ADCY7: variants seen among roughly 807,000 people sequenced by gnomAD.
The protein encoded by ADCY7 is adenylate cyclase type 7.
Under a neutral mutation model 120.6 loss-of-function variants are expected in ADCY7, and 72 were observed. That is an observed-to-expected ratio of 0.60 (90% confidence interval 0.49 to 0.73). The LOEUF (loss-of-function observed/expected upper bound fraction) is 0.73. Ranked by LOEUF, ADCY7 falls within the 30% of genes least tolerant of loss-of-function variation. The pLI is 0.00. For missense variants in ADCY7, 1,227 were observed against 1,486.0 expected (o/e 0.83, Z 2.87); for synonymous variants, 661 against 628.0 (o/e 1.05, Z -0.78).
intron 1 of ADCY7, among the ~76,000 whole-genome samples, chr16:50,270,464 C>A (rs1055900138): frequency 1.3e-5 from 2 of 152,166 alleles, no homozygotes; most frequent in African/African-American, 4.8e-5. Flanking sequence ...GTTTCTTGCA[C>A]CTGTGAAATG....
chr16:50,289,977 G>A (rs375864225), intron 2 of ADCY7, among the ~76,000 whole-genome samples: 61 of 152,318 alleles, frequency 4.0e-4, no homozygotes, highest in African/African-American at 1.3e-3. Flanking sequence ...TGCTGTGCCC[G>A]TCCTGTCCCA....
chr16:50,288,093 C>T lies in ADCY7; in HGVS notation c.-87C>T, dbSNP rs963481999. ...CGGAGAGGACAGAGGCCTAGGCCCACGGGGGAGGGTGTTGGCAGACAGATG... is the reference window on the plus strand; with the variant it reads ...CGGAGAGGACAGAGGCCTAGGCCCATGGGGGAGGGTGTTGGCAGACAGATG... On this transcript the variant is annotated 5_prime_UTR_variant, in exon 2 of 26. The change creates a new upstream start codon in the 5' untranslated region. Coordinates refer to ENST00000673801, the MANE Select transcript of ADCY7 (RefSeq NM_001114.5). 4.9e-5 allele frequency: 70 copies of T among 1,442,340 alleles called. No homozygotes were observed. In the African/African-American group the frequency reaches 7.7e-4, roughly 16 times the overall value. 89.3% of individuals were successfully genotyped at this position (1,442,340 alleles called of 1,614,324 possible). A position where few individuals can be genotyped will look rare whatever the true frequency, so the allele number is the denominator to read the frequency against.
chr16:50,269,400 C>T (rs1184400787), intron 1 of ADCY7, among the ~76,000 whole-genome samples: 1 of 152,196 alleles, frequency 6.6e-6, no homozygotes, highest in Non-Finnish European at 1.5e-5. Flanking sequence ...TGGGGGTGGT[C>T]CTTACTGGGA....
intron 6 of ADCY7, among the ~76,000 whole-genome samples, 163 bp downstream of exon 6, chr16:50,293,665 T>A (rs2035149999): frequency 6.6e-6 from 1 of 152,114 alleles, no homozygotes; most frequent in Non-Finnish European, 1.5e-5. Context: ...CCTCCCTGGG[T>A]CTCAGAACCC....
At chr16:50,263,046 G>A (rs1049294731), upstream of ADCY7, among the ~76,000 whole-genome samples, 5 of 152,206 alleles carry the variant, frequency 3.3e-5, no homozygotes, top group Non-Finnish European at 7.3e-5. Flanking sequence ...AGGAGCATGG[G>A]TTGTGAAGTC....
At chr16:50,287,840 C>T (rs537169108) in intron 1 of ADCY7, 72 bp from the exon 2 acceptor site, 53 of 287,714 alleles carry the variant, frequency 1.8e-4, no homozygotes, top group South Asian at 1.8e-3. Context: ...GCCTGGGCCC[C>T]GCTCTCCCTG....
chr16:50,311,837 A>G (rs1221944715), intron 20 of ADCY7, 51 bp downstream of exon 20: 24 of 1,127,306 alleles, frequency 2.1e-5, no homozygotes, highest in Non-Finnish European at 2.9e-5. Flanking sequence ...ACTTTTCCTC[A>G]CCTCCATCTG....
rs1427730900 is a variant in ADCY7, at chr16:50,314,397, C to T, written c.2962C>T (p.Leu988Phe). The T allele has an allele frequency of 6.2e-7, 1 of 1,613,684 alleles. No individual in the cohort carries two copies. Among genetic ancestry groups the T allele is most frequent in the South Asian group, 1.1e-5 (1 of 91,076 alleles). Residue 988 changes from leucine to phenylalanine, a missense_variant, in exon 24 of 26, where the codon CTC becomes TTC. Transcript: ENST00000673801. ...INRHSFNSFR[L>F]RVGINHGPVI... is the part of the protein sequence containing the mutation. Reference sequence around the variant, plus strand: ...CAGGCACTCCTTCAACTCCTTCCGCCTCCGCGTCGGTGAGCCCGGGTGATG... The same window carrying T: ...CAGGCACTCCTTCAACTCCTTCCGCTTCCGCGTCGGTGAGCCCGGGTGATG...
intron 1 of ADCY7, among the ~76,000 whole-genome samples, chr16:50,277,728 T>G (rs1325113084): frequency 6.8e-6 from 1 of 147,386 alleles, no homozygotes; most frequent in Non-Finnish European, 1.5e-5. Flanking sequence ...TGGAGTGCAG[T>G]GGCACAATTT....
At chr16:50,277,364 CTT>C (rs2033959907) in intron 1 of ADCY7, among the ~76,000 whole-genome samples, 1 of 152,158 alleles carries the variant, frequency 6.6e-6, no homozygotes, top group Non-Finnish European at 1.5e-5. Flanking sequence ...CCTTCAGTGA[CTT>C]TGTTAGGTAT....
rs555970620 is a variant in ADCY7 at position 50,312,200 on chromosome 16, A to C, written c.2604+9A>C. ...GTGACAAGTTAAACGAGGTGTGCTG[A>C]GAAGGGGCTGGGGCGGGGGCAGGGA... On this transcript the variant is annotated intron_variant, in intron 21 of 25. Transcript: ENST00000673801. 1 of 1,603,174 alleles carries C rather than the reference A, an allele frequency of 6.2e-7. No homozygotes were observed. The highest frequency in any genetic ancestry group is 2.3e-5 in the East Asian group (1 of 44,298).
chr16:50,252,349 C>T lies in ADCY7; in HGVS notation c.-64+6146C>T, dbSNP rs559911893. Among the ~76,000 whole-genome samples, 10 of 152,286 alleles carry T rather than the reference C, an allele frequency of 6.6e-5. No homozygotes were observed. The South Asian group carries it at 1.4e-3, about 22-fold the overall frequency. On this transcript the variant is annotated intron_variant, in intron 1 of 4. Coordinates refer to the ADCY7 transcript ENST00000564044. ...TTGGCTTCTAATGCCACTGGTCCCC[C>T]GCCAGCCTGGCTTCGGGGCCAGCAG... is the stretch of plus-strand genomic sequence containing the variant.
At position 50,247,533 on chromosome 16, in the gene ADCY7, T is replaced by G. The variant is rs571278967; in HGVS notation, c.-64+1330T>G. Among the ~76,000 whole-genome samples, 8 of 126,852 alleles carry G rather than the reference T, an allele frequency of 6.3e-5. No individual in the cohort carries two copies. The East Asian group carries it at 1.9e-3, about 30-fold the overall frequency. The allele number at this position is 126,852 out of a possible 152,430, so 83.2% of individuals were successfully genotyped here. On this transcript the variant is annotated intron_variant, in intron 1 of 4. Transcript: ENST00000564044. Reference sequence around the variant, plus strand: ...GTGTGCGCCACCACGCCTGGCTAATTTAGTAATTTTTTTTTTTTTTTTTTT... The same window carrying G: ...GTGTGCGCCACCACGCCTGGCTAATGTAGTAATTTTTTTTTTTTTTTTTTT...
chr16:50,309,758 T>A, intron 18 of ADCY7, 112 bp downstream of exon 18: 1 of 955,150 alleles, frequency 1.0e-6, no homozygotes, highest in Non-Finnish European at 1.5e-6. Flanking sequence ...GCACAGCATG[T>A]GGAGGCTGAG....
intron 1 of ADCY7, among the ~76,000 whole-genome samples, chr16:50,267,410 T>G (rs2033284341): frequency 1.3e-5 from 2 of 151,464 alleles, no homozygotes; most frequent in African/African-American, 2.4e-5. Flanking sequence ...CAGCCATTGC[T>G]GGAGAGGAGA....
chr16:50,314,829 G>A lies in ADCY7; in HGVS notation c.2972-185G>A, dbSNP rs377466702. On this transcript the variant is annotated intron_variant, in intron 24 of 25. Transcript: ENST00000673801. ...TTCTGAGTCTGAAAAAGAGCTGGCCGGGGAATGCCCTCCTCATACCCCAAG... is the reference window on the plus strand; with the variant it reads ...TTCTGAGTCTGAAAAAGAGCTGGCCAGGGAATGCCCTCCTCATACCCCAAG... 233 of 666,308 alleles carry A rather than the reference G, an allele frequency of 3.5e-4. No individual in the cohort carries two copies. The African/African-American group carries it at 3.6e-3, about 10-fold the overall frequency. 41.3% of individuals were successfully genotyped at this position (666,308 alleles called of 1,614,324 possible).
Position 50,267,716 on chromosome 16 carries a change from G to GA in ADCY7, c.-269+1045dup, listed in dbSNP as rs367835558. Among the ~76,000 whole-genome samples, 1,070 of 151,798 alleles carry GA rather than the reference G, an allele frequency of 7.0e-3. 14 individuals are homozygous for GA. Among genetic ancestry groups the GA allele is most frequent in the African/African-American group, 0.023 (959 of 41,418 alleles). ...TTAAAATCTAAGTATTTGTCTTGGGGAAAAAAAAATCTGTAAATAGGACAT... is the reference window on the plus strand; with the variant it reads ...TTAAAATCTAAGTATTTGTCTTGGGGAAAAAAAAAATCTGTAAATAGGACAT... On this transcript the variant is annotated intron_variant, in intron 1 of 25. Transcript: ENST00000673801.
chr16:50,309,481 C>T (rs544633019), intron 17 of ADCY7, 67 bp from the exon 18 acceptor site: 6 of 1,380,508 alleles, frequency 4.3e-6, no homozygotes. Flanking sequence ...TGGGGCCCAC[C>T]TTGCATGGCT....
intron 17 of ADCY7, 52 bp from the exon 18 acceptor site, chr16:50,309,496 C>A: frequency 1.3e-6 from 2 of 1,500,528 alleles, no homozygotes; most frequent in South Asian, 1.1e-5. Flanking sequence ...ATGGCTTGGG[C>A]AGGTTCCAGC....
Sources: allele counts gnomAD v4.1 joint callset (sites outside exome capture counted in the v4.1 genomes callset), GRCh38; gene constraint gnomAD v4.1.1; transcripts MANE v1.5; gene names NCBI Gene and HGNC (gene_info 2026-07-23, HGNC 2026-07-21).